The following ZNF441 variants were observed in gnomAD, a reference collection of about 807,000 sequenced individuals.
ZNF441 encodes the protein zinc finger protein 441.
A neutral mutation model predicts 64.5 loss-of-function variants in ZNF441; 25 were observed. The observed-to-expected ratio is 0.39, with a 90% CI of 0.28 to 0.54. The LOEUF (loss-of-function observed/expected upper bound fraction) is 0.54, where lower values mean the gene tolerates loss of function less well. Ranked by LOEUF, ZNF441 falls within the 20% of genes least tolerant of loss-of-function variation. ZNF441 has a pLI of 0.70. For missense variants in ZNF441, 715 were observed against 843.3 expected (o/e 0.85, Z 1.88); for synonymous variants, 262 against 268.0 (o/e 0.98, Z 0.22).
chr19:11,769,369 C>T (rs1029609282), intron 1 of ZNF441, among the ~76,000 whole-genome samples: 13 of 152,182 alleles, frequency 8.5e-5, no homozygotes, highest in African/African-American at 3.1e-4. Context: ...GTATCACTGC[C>T]TGGCAATACC....
At position 11,772,993 on chromosome 19, in the gene ZNF441, T is replaced by G. The variant is rs374551259; in HGVS notation, c.4-4618T>G. 2.5e-4 allele frequency among the ~76,000 whole-genome samples: 38 copies of G among 152,262 alleles called. No individual in the cohort carries two copies. In the East Asian group the frequency reaches 6.2e-3, roughly 25 times the overall value. ...TTTTTAGTAGAGACAGGGTTTCACC[T>G]TGTTAACGAGGATAGTCTCAATCTC... On this transcript the variant is annotated intron_variant, in intron 1 of 3. Coordinates refer to ENST00000357901, the MANE Select transcript of ZNF441 (RefSeq NM_152355.3).
At chr19:11,773,838 C>T (rs1189750340) in intron 1 of ZNF441, among the ~76,000 whole-genome samples, 1 of 152,118 alleles carries the variant, frequency 6.6e-6, no homozygotes, top group East Asian at 1.9e-4. Flanking sequence ...TTTTCTTGTG[C>T]ACATCGATGG....
chr19:11,770,966 G>T (rs890170583), intron 1 of ZNF441, among the ~76,000 whole-genome samples: 1 of 150,528 alleles, frequency 6.6e-6, no homozygotes, highest in African/African-American at 2.4e-5. Flanking sequence ...GCAATCTCTA[G>T]AAAGCAAAGA....
intron 1 of ZNF441, among the ~76,000 whole-genome samples, chr19:11,776,277 G>C (rs1160968588): frequency 6.6e-6 from 1 of 152,164 alleles, no homozygotes; most frequent in Non-Finnish European, 1.5e-5. Context: ...GAGGGATTGG[G>C]ACAAGGACAA....
intron 1 of ZNF441, among the ~76,000 whole-genome samples, chr19:11,773,705 C>A (rs954265150): frequency 6.6e-6 from 1 of 152,076 alleles, no homozygotes; most frequent in Admixed American, 6.6e-5. Flanking sequence ...TGAAATATCT[C>A]CATCGTGTGT....
chr19:11,773,808 A>T (rs1178303006), intron 1 of ZNF441, among the ~76,000 whole-genome samples: 2 of 152,148 alleles, frequency 1.3e-5, no homozygotes, highest in African/African-American at 2.4e-5. Context: ...TATTTATCCA[A>T]ACCTTTCTAT....
At chr19:11,777,439 G>T (rs573614136) in intron 1 of ZNF441, among the ~76,000 whole-genome samples, 172 bp from the exon 2 acceptor site, 1 of 152,286 alleles carries the variant, frequency 6.6e-6, no homozygotes, top group Non-Finnish European at 1.5e-5. Flanking sequence ...TCATTTCTAG[G>T]ATCAGAATTG....
Position 11,777,717 on chromosome 19 carries a change from T to C in ZNF441, c.110T>C (p.Ile37Thr), listed in dbSNP as rs769782645. 7 of 1,612,458 alleles carry C rather than the reference T, an allele frequency of 4.3e-6. No homozygotes were observed. ...TACAGAGATGTGATGCAGGAAACCA[T>C]CAGAAACCTGGACTGTATAGGTAAG... ...SLYRDVMQET[I>T]RNLDCIGMIW... The change falls in exon 2 of 4, where the codon ATC becomes ACC. Residue 37 changes from isoleucine to threonine, a missense_variant. Coordinates refer to ENST00000357901, the MANE Select transcript of ZNF441 (RefSeq NM_152355.3).
chr19:11,770,636 G>T (rs394957), intron 1 of ZNF441, among the ~76,000 whole-genome samples: 1 of 151,850 alleles, frequency 6.6e-6, no homozygotes, highest in African/African-American at 2.4e-5. Flanking sequence ...GCAGTATCAT[G>T]ATCTCACTGC....
intron 2 of ZNF441, 159 bp downstream of exon 2, chr19:11,777,896 G>A (rs778908478): frequency 2.7e-5 from 18 of 657,718 alleles, no homozygotes; most frequent in Non-Finnish European, 4.1e-5. Context: ...TTAACCACTA[G>A]TAGCCTACTG....
chr19:11,782,058 C>A lies in ZNF441; in HGVS notation c.*152C>A. 1 of 546,848 alleles carries A rather than the reference C, an allele frequency of 1.8e-6. No homozygotes were observed. Among genetic ancestry groups the A allele is most frequent in the South Asian group, 4.2e-5 (1 of 23,846 alleles). The allele number at this position is 546,848 out of a possible 1,614,324, so 33.9% of individuals were successfully genotyped here. ...TTTTCAGTACCTTTTGAAAACATGA[C>A]CAAACTCATACTTCAAAAATATATA... On this transcript the variant is annotated 3_prime_UTR_variant, in exon 4 of 4. Transcript: ENST00000357901.
At chr19:11,770,315 C>T (rs1599267338) in intron 1 of ZNF441, among the ~76,000 whole-genome samples, 1 of 152,082 alleles carries the variant, frequency 6.6e-6, no homozygotes, top group African/African-American at 2.4e-5. Context: ...AAACCGCCCC[C>T]ATGATCCAGT....
At chr19:11,775,339 C>CT (rs974345097) in intron 1 of ZNF441, among the ~76,000 whole-genome samples, 16 of 151,974 alleles carry the variant, frequency 1.1e-4, no homozygotes, top group East Asian at 1.9e-4. Flanking sequence ...TGAATGCCCC[C>CT]TTTTTTTTGA....
rs555437680 is a variant in ZNF441 at position 11,783,940 on chromosome 19, T to C, written c.*2034T>C. On this transcript the variant is annotated 3_prime_UTR_variant, in exon 4 of 4. Coordinates refer to ENST00000357901, the MANE Select transcript of ZNF441 (RefSeq NM_152355.3). Reference sequence around the variant, plus strand: ...GTTACCAACACATAGAAGTGGTAAATACTCAAGATCATGGATACCCCAAAT... The same window carrying C: ...GTTACCAACACATAGAAGTGGTAAACACTCAAGATCATGGATACCCCAAAT... 4.6e-4 allele frequency: 70 copies of C among 152,322 alleles called. No individual in the cohort carries two copies. Among genetic ancestry groups the C allele is most frequent in the Middle Eastern group, 3.4e-3 (1 of 294 alleles). 9.4% of individuals were successfully genotyped at this position (152,322 alleles called of 1,614,324 possible).
At chr19:11,772,340 G>T (rs447673) in intron 1 of ZNF441, among the ~76,000 whole-genome samples, 3 of 151,422 alleles carry the variant, frequency 2.0e-5, no homozygotes, top group Non-Finnish European at 3.0e-5. Context: ...TTATTTCTAC[G>T]CTCTCTCGTC....
chr19:11,777,995 AAAGT>A (rs558878055), intron 2 of ZNF441: 83 of 394,824 alleles, frequency 2.1e-4, no homozygotes, highest in Non-Finnish European at 3.4e-4. Context: ...TTCTCACAGG[AAAGT>A]AAGCTAGAAA....
Position 11,780,696 on chromosome 19 carries a change from A to G in ZNF441, c.872A>G (p.His291Arg). ...ECKQCGKAFYHLGSFQRHMIV... is the reference protein window; with the variant it reads ...ECKQCGKAFYRLGSFQRHMIV... The stretch of plus-strand genomic sequence containing the variant: ...AAGCAATGTGGGAAAGCATTTTATC[A>G]TCTTGGAAGCTTTCAAAGACACATG... The change falls in exon 4 of 4, where the codon CAT (histidine) becomes CGT (arginine). Residue 291 changes from histidine (H) to arginine (R), a missense_variant. This residue lies in a region of ZNF441 where 399 missense variants were observed against 413.9 expected (regional missense o/e 0.96). Transcript: ENST00000357901. The G allele has an allele frequency of 1.9e-6, 3 of 1,614,072 alleles. No homozygotes were observed. The highest frequency in any genetic ancestry group is 2.5e-6 in the Non-Finnish European group (3 of 1,180,006).
intron 1 of ZNF441, 109 bp from the exon 2 acceptor site, chr19:11,777,473 AGAGAATAAGAGTGGGTTTACCATGTTCTT>A (rs1360814605): frequency 1.1e-6 from 1 of 891,526 alleles, no homozygotes; most frequent in African/African-American, 1.7e-5. Context: ...GAGTGTAAAG[AGAGAATAAGAGTGGGTTTACCATGTTCTT>A]GAATAAATGC....
chr19:11,770,000 GC>G (rs1975300706), intron 1 of ZNF441, among the ~76,000 whole-genome samples: 1 of 151,982 alleles, frequency 6.6e-6, no homozygotes, highest in Non-Finnish European at 1.5e-5. Flanking sequence ...TTTGCAGATG[GC>G]ATTCTTCCTG....
Sources: gnomAD v4.1 joint callset for allele counts (sites outside exome capture counted in the v4.1 genomes callset) on GRCh38, gnomAD v4.1.1 for gene constraint, gnomAD v4.1.1 regional missense constraint, MANE v1.5 for transcripts, NCBI Gene and HGNC (gene_info 2026-07-23, HGNC 2026-07-21) for gene names.